The following INTS13 variants were observed in gnomAD, a reference collection of about 807,000 sequenced individuals.
INTS13 encodes integrator complex subunit 13.
Under a neutral mutation model 90.2 loss-of-function variants are expected in INTS13, and 35 were observed. The ratio of observed to expected loss-of-function variants is 0.39; its 90% CI spans 0.30 to 0.51. INTS13 has a LOEUF of 0.51. Among genes scored for constraint, INTS13 ranks in the 20% least tolerant of loss-of-function variants. INTS13 has a pLI of 0.80. For synonymous variants in INTS13, 309 were observed against 277.1 expected (o/e 1.11, Z -1.14); for missense variants, 601 against 851.2 (o/e 0.71, Z 3.66).
At chr12:26,919,414 G>A (rs2137474667) in intron 8 of INTS13, among the ~76,000 whole-genome samples, 1 of 152,256 alleles carries the variant, frequency 6.6e-6, no homozygotes, top group South Asian at 2.1e-4. Context: ...CAACAGAAAA[G>A]CATAGGCACG....
chr12:26,909,752 G>T (rs1951721060), intron 15 of INTS13, among the ~76,000 whole-genome samples: 1 of 152,224 alleles, frequency 6.6e-6, no homozygotes, highest in African/African-American at 2.4e-5. Context: ...AATATAATAA[G>T]ATCACCTCAA....
chr12:26,916,222 T>G, intron 10 of INTS13, 42 bp from the exon 11 acceptor site: 1 of 1,465,714 alleles, frequency 6.8e-7, no homozygotes, highest in Non-Finnish European at 9.2e-7. Context: ...GAAACTCAAA[T>G]GGGCTCTCAT....
At chr12:26,927,271 C>T (rs1259323358) in intron 5 of INTS13, among the ~76,000 whole-genome samples, 1 of 152,170 alleles carries the variant, frequency 6.6e-6, no homozygotes, top group Non-Finnish European at 1.5e-5. Flanking sequence ...AACCACTAGT[C>T]GAGATTTGTG....
chr12:26,914,766 G>C (rs1387563242), intron 11 of INTS13, among the ~76,000 whole-genome samples, 188 bp from the exon 12 acceptor site: 2 of 152,088 alleles, frequency 1.3e-5, no homozygotes, highest in East Asian at 3.8e-4. Flanking sequence ...GCCTTTATAT[G>C]ATGAAAATGA....
rs1592208866 is a variant in INTS13 at position 26,917,699 on chromosome 12, G to A, written c.924C>T (p.Gly308=). 6.2e-7 allele frequency: 1 copy of A among 1,613,894 alleles called. No individual in the cohort carries two copies. Among genetic ancestry groups the A allele is most frequent in the Non-Finnish European group, 8.5e-7 (1 of 1,179,966 alleles). ...DSHLGGGSRE[G]SFKETITLKW... The stretch of plus-strand genomic sequence containing the variant: ...TTAATGTTATTGTTTCTTTAAACGA[G>A]CCTTCTCGACTGCCGCCACCTAGAT... The change falls in exon 9 of 17, where the codon GGC becomes GGT. Residue 308 remains glycine (G), a synonymous_variant. Coordinates refer to ENST00000261191, the MANE Select transcript of INTS13 (RefSeq NM_018164.3).
At chr12:26,925,607 C>T (rs1937825071) in intron 6 of INTS13, among the ~76,000 whole-genome samples, 154 bp downstream of exon 6, 1 of 152,004 alleles carries the variant, frequency 6.6e-6, no homozygotes, top group Non-Finnish European at 1.5e-5. Flanking sequence ...CATAAAGAAC[C>T]AACCTAGATG....
At chr12:26,933,180 A>G (rs1346993923) in intron 3 of INTS13, among the ~76,000 whole-genome samples, 1 of 152,254 alleles carries the variant, frequency 6.6e-6, no homozygotes, top group African/African-American at 2.4e-5. Context: ...TCAAAAAAGC[A>G]GAATGACTGA....
intron 5 of INTS13, among the ~76,000 whole-genome samples, chr12:26,927,722 T>A (rs1937960274): frequency 6.6e-6 from 1 of 152,130 alleles, no homozygotes; most frequent in Admixed American, 6.5e-5. Flanking sequence ...CTCAAGCAAT[T>A]TTCCTGCCTC....
chr12:26,927,194 G>A (rs944056101), intron 5 of INTS13, among the ~76,000 whole-genome samples: 1 of 152,198 alleles, frequency 6.6e-6, no homozygotes, highest in Non-Finnish European at 1.5e-5. Flanking sequence ...TCAGAACAAA[G>A]TATTGAACAT....
At chr12:26,927,267 T>A (rs1176543279) in intron 5 of INTS13, among the ~76,000 whole-genome samples, 3 of 152,224 alleles carry the variant, frequency 2.0e-5, no homozygotes, top group Non-Finnish European at 4.4e-5. Context: ...GGGGAACCAC[T>A]AGTCGAGATT....
At chr12:26,926,921 G>C (rs1051505475) in intron 5 of INTS13, among the ~76,000 whole-genome samples, 2 of 152,216 alleles carry the variant, frequency 1.3e-5, no homozygotes, top group African/African-American at 4.8e-5. Flanking sequence ...CCTCCAGAGA[G>C]GGGACAGAAG....
chr12:26,919,002 G>C (rs1444999257), intron 8 of INTS13: 1 of 362,170 alleles, frequency 2.8e-6, no homozygotes, highest in Non-Finnish European at 5.7e-6. Context: ...TGTCTCTATG[G>C]AAAAAATACA....
chr12:26,922,969 T>C (rs1319837726), intron 7 of INTS13, among the ~76,000 whole-genome samples: 1 of 151,968 alleles, frequency 6.6e-6, no homozygotes, highest in Non-Finnish European at 1.5e-5. Context: ...ACTCAGAAAT[T>C]TTGAATTTTT....
rs1937722434 is a variant in INTS13, at chr12:26,923,933, T to G, written c.804+422A>C. Among the ~76,000 whole-genome samples, 3 of 152,134 alleles carry G rather than the reference T, an allele frequency of 2.0e-5. No individual in the cohort carries two copies. The South Asian group carries it at 6.2e-4, about 31-fold the overall frequency. ...ATTTAAAATAGAAATTATATTTTGATGAAAACAATGACAGCATTTTTTTTT... is the reference window on the plus strand; with the variant it reads ...ATTTAAAATAGAAATTATATTTTGAGGAAAACAATGACAGCATTTTTTTTT... On this transcript the variant is annotated intron_variant, in intron 7 of 16. Transcript: ENST00000261191.
At chr12:26,908,333 A>G (rs936194263) in intron 15 of INTS13, among the ~76,000 whole-genome samples, 2 of 152,212 alleles carry the variant, frequency 1.3e-5, no homozygotes, top group Admixed American at 6.5e-5. Context: ...AGAACTGTAC[A>G]TCAAAAAGAG....
intron 11 of INTS13, among the ~76,000 whole-genome samples, chr12:26,915,258 G>A (rs1362274387): frequency 6.6e-6 from 1 of 151,936 alleles, no homozygotes; most frequent in Admixed American, 6.6e-5. Context: ...AAACTACCTT[G>A]ACATAACATA....
intron 15 of INTS13, among the ~76,000 whole-genome samples, chr12:26,910,648 T>C (rs1951743434): frequency 6.6e-6 from 1 of 152,128 alleles, no homozygotes; most frequent in South Asian, 2.1e-4. Context: ...GAACTGTGAG[T>C]CAATTAAACC....
intron 5 of INTS13, among the ~76,000 whole-genome samples, chr12:26,927,715 A>C (rs929990340): frequency 2.6e-5 from 4 of 152,202 alleles, no homozygotes; most frequent in African/African-American, 4.8e-5. Context: ...TCCCAGGCTC[A>C]AGCAATTTTC....
At chr12:26,936,485 C>T (rs1227897774) in intron 2 of INTS13, 94 bp downstream of exon 2, 3 of 897,090 alleles carry the variant, frequency 3.3e-6, no homozygotes, top group Non-Finnish European at 5.1e-6. Flanking sequence ...GTAATAAACA[C>T]ACAGTCATTA....
Sources: gnomAD v4.1 joint callset for allele counts (sites outside exome capture counted in the v4.1 genomes callset) on GRCh38, gnomAD v4.1.1 for gene constraint, MANE v1.5 for transcripts, NCBI Gene and HGNC (gene_info 2026-07-23, HGNC 2026-07-21) for gene names.